ZNF438: variants seen among roughly 807,000 people sequenced by gnomAD.
ZNF438 encodes zinc finger protein 438.
In ZNF438, 25 loss-of-function variants were observed where a neutral mutation model predicts 38.0. The observed-to-expected ratio is 0.66, with a 90% confidence interval of 0.48 to 0.92. The LOEUF is 0.92. ZNF438 is among the 40% of genes least tolerant of loss of function. The pLI, the probability that ZNF438 is intolerant of heterozygous loss-of-function variation, is 0.00. For synonymous variants in ZNF438, 372 were observed against 364.1 expected, an observed-to-expected ratio of 1.02 and a Z score of -0.25; for missense variants, 1,007 against 999.6, an observed-to-expected ratio of 1.01 and a Z score of -0.10.
intron 1 of ZNF438, among the ~76,000 whole-genome samples, chr10:30,942,836 A>C (rs2046960792): frequency 2.0e-5 from 3 of 152,228 alleles, no homozygotes; most frequent in Admixed American, 2.0e-4. Flanking sequence ...ATCTCCTAAA[A>C]GGTTTATTTT....
intron 1 of ZNF438, among the ~76,000 whole-genome samples, chr10:31,024,617 G>C (rs1221159691): frequency 6.6e-6 from 1 of 151,436 alleles, no homozygotes; most frequent in East Asian, 1.9e-4. Context: ...GACAGAGCGA[G>C]ACTCTGTCTC....
chr10:30,845,335 G>A (rs1471291273), exon 6 of ZNF438: 2 of 1,614,114 alleles, frequency 1.2e-6, no homozygotes, highest in East Asian at 4.5e-5. Context: ...CCTCTCTCAG[G>A]ATGCCTTTTC....
At chr10:30,899,224 A>G (rs2041708625) in intron 3 of ZNF438, among the ~76,000 whole-genome samples, 1 of 152,200 alleles carries the variant, frequency 6.6e-6, no homozygotes, top group African/African-American at 2.4e-5. Context: ...TGAATGGTAT[A>G]AACTTTAAAA....
chr10:31,025,728 C>A (rs952577609), intron 1 of ZNF438, among the ~76,000 whole-genome samples: 4 of 152,102 alleles, frequency 2.6e-5, no homozygotes, highest in Admixed American at 2.6e-4. Flanking sequence ...TAGTCTCCAC[C>A]TAGACTTACT....
At chr10:30,986,054 A>T (rs2052746971) in intron 1 of ZNF438, among the ~76,000 whole-genome samples, 1 of 152,228 alleles carries the variant, frequency 6.6e-6, no homozygotes, top group African/African-American at 2.4e-5. Context: ...AACACACTGT[A>T]CAGGTTTGTA....
intron 1 of ZNF438, among the ~76,000 whole-genome samples, chr10:31,031,007 G>T (rs73254463): frequency 0.012 from 1,818 of 152,322 alleles, 42 homozygotes; most frequent in African/African-American, 0.041. Context: ...ATTGCCAAGA[G>T]TACCGTGCTA....
At chr10:30,899,206 G>A (rs3006600) in intron 3 of ZNF438, among the ~76,000 whole-genome samples, 118,383 of 152,104 alleles carry the variant, frequency 0.78, 46,808 homozygotes, top group African/African-American at 0.88. Context: ...TATTTGATGA[G>A]TTAACTTTGA....
rs75128969 is a variant in ZNF438, at chr10:31,025,426, T to C, written c.-192+6407A>G. On this transcript the variant is annotated intron_variant, in intron 1 of 5. Coordinates refer to ENST00000413025, the Ensembl canonical transcript of ZNF438. Reference sequence around the variant, plus strand: ...CATTGCCAAATGTCCCCAGAGTGTGTTGGAAAGTAAAAAATCATTCTGAGT... The same window carrying C: ...CATTGCCAAATGTCCCCAGAGTGTGCTGGAAAGTAAAAAATCATTCTGAGT... Among the ~76,000 whole-genome samples, 928 of 152,310 alleles carry C rather than the reference T, an allele frequency of 6.1e-3. 10 individuals carry two copies. Among genetic ancestry groups the C allele is most frequent in the African/African-American group, 0.021 (867 of 41,558 alleles).
intron 1 of ZNF438, among the ~76,000 whole-genome samples, chr10:30,976,214 C>G (rs112802451): frequency 1.8e-4 from 27 of 152,068 alleles, no homozygotes; most frequent in African/African-American, 6.0e-4. Context: ...CTGAAAAGAT[C>G]AATAAAACCA....
chr10:30,902,603 CCAGATTAG>C (rs1346130516), intron 3 of ZNF438, among the ~76,000 whole-genome samples: 1 of 152,124 alleles, frequency 6.6e-6, no homozygotes, highest in Non-Finnish European at 1.5e-5. Flanking sequence ...CAAGTACCCA[CCAGATTAG>C]CTAGACACAG....
rs192803722 is a variant in ZNF438 at position 30,961,208 on chromosome 10, G to A, written c.-191-19557C>T. On this transcript the variant is annotated intron_variant, in intron 1 of 5. Coordinates refer to ENST00000413025, the Ensembl canonical transcript of ZNF438. ...CATATGTAACTAACCTGCACAATGC[G>A]CACATGTACCCTAAAACTTAGAGTA... Among the ~76,000 whole-genome samples the A allele has an allele frequency of 1.1e-4, 15 of 135,350 alleles. 1 individual carries two copies. The highest frequency in any genetic ancestry group is 7.2e-4 in the South Asian group (3 of 4,190). 88.8% of individuals were successfully genotyped at this position (135,350 alleles called of 152,430 possible).
At chr10:30,857,986 T>C (rs182848329) in intron 4 of ZNF438, among the ~76,000 whole-genome samples, 288 of 152,340 alleles carry the variant, frequency 1.9e-3, no homozygotes, top group Middle Eastern at 0.01. Context: ...CAAAGCCTGC[T>C]CTGTTGCTTC....
At chr10:30,889,349 C>A (rs778640579) in intron 3 of ZNF438, among the ~76,000 whole-genome samples, 4 of 152,160 alleles carry the variant, frequency 2.6e-5, no homozygotes, top group Non-Finnish European at 5.9e-5. Flanking sequence ...CAATCACCTT[C>A]CTTCCCTAAA....
intron 2 of ZNF438, among the ~76,000 whole-genome samples, chr10:30,909,517 TAATAAATCTC>T (rs2042885150): frequency 6.6e-6 from 1 of 152,176 alleles, no homozygotes; most frequent in African/African-American, 2.4e-5. Context: ...GTGCCAGAAA[TAATAAATCTC>T]AGGAAATAAC....
chr10:30,873,837 T>C (rs534752616), intron 4 of ZNF438, among the ~76,000 whole-genome samples: 1 of 152,138 alleles, frequency 6.6e-6, no homozygotes, highest in Non-Finnish European at 1.5e-5. Context: ...GTACAGCATA[T>C]TTTCCTTAAT....
intron 4 of ZNF438, among the ~76,000 whole-genome samples, chr10:30,851,574 C>A (rs1053052067): frequency 2.0e-5 from 3 of 152,182 alleles, no homozygotes; most frequent in African/African-American, 7.2e-5. Context: ...TAGTAAGATG[C>A]GTGTACTAAA....
intron 2 of ZNF438, chr10:30,919,679 T>G (rs2044063456): frequency 6.6e-6 from 1 of 152,378 alleles, no homozygotes; most frequent in South Asian, 2.1e-4. Flanking sequence ...TGGAGTGCAG[T>G]GGCAAGATCT....
rs117922683 is a variant in ZNF438 at position 30,970,578 on chromosome 10, G to A, written c.-191-28927C>T. ...GCTCTTTATTTTGTCATGAAATGTGGAAAATATCCTCATCCAAACTCCAAA... is the reference window on the plus strand; with the variant it reads ...GCTCTTTATTTTGTCATGAAATGTGAAAAATATCCTCATCCAAACTCCAAA... On this transcript the variant is annotated intron_variant, in intron 1 of 5. Coordinates refer to ENST00000413025, the Ensembl canonical transcript of ZNF438. Among the ~76,000 whole-genome samples, 720 of 152,232 alleles carry A rather than the reference G, an allele frequency of 4.7e-3. 13 individuals are homozygous for A. Among genetic ancestry groups the A allele is most frequent in the Middle Eastern group, 0.024 (7 of 294 alleles).
exon 6 of ZNF438, chr10:30,844,683 C>T: frequency 5.9e-6 from 2 of 337,890 alleles, no homozygotes; most frequent in South Asian, 4.9e-5. Context: ...TGCTAAATTT[C>T]AATCTTCAAA....
Sources: gnomAD v4.1 joint callset for allele counts (sites outside exome capture counted in the v4.1 genomes callset) on GRCh38, gnomAD v4.1.1 for gene constraint, MANE v1.5 for transcripts, NCBI Gene and HGNC (gene_info 2026-07-23, HGNC 2026-07-21) for gene names.